Variants in KCMF1 observed in about 807,000 individuals in gnomAD.
The protein encoded by KCMF1 is potassium channel modulatory factor 1.
Under a neutral mutation model 41.1 loss-of-function variants are expected in KCMF1, and 3 were observed. The observed-to-expected ratio is 0.07, with a 90% confidence interval of 0.03 to 0.19. The LOEUF (loss-of-function observed/expected upper bound fraction) is 0.19, where lower values mean the gene tolerates loss of function less well. KCMF1 is among the 10% of genes least tolerant of loss of function. The pLI is 1.00. For synonymous variants in KCMF1, 142 were observed against 164.5 expected (o/e 0.86, Z 1.04); for missense variants, 286 against 488.9 (o/e 0.58, Z 3.91).
At chr2:85,022,771 C>G (rs1344213760) in intron 1 of KCMF1, among the ~76,000 whole-genome samples, 1 of 152,154 alleles carries the variant, frequency 6.6e-6, no homozygotes, top group Non-Finnish European at 1.5e-5. Flanking sequence ...ACCTTAAACC[C>G]CAGAGGGAGC....
chr2:85,051,552 G>A (rs945375839), intron 6 of KCMF1, among the ~76,000 whole-genome samples: 1 of 151,934 alleles, frequency 6.6e-6, no homozygotes, highest in Non-Finnish European at 1.5e-5. Flanking sequence ...GTGGATTCTG[G>A]TTGTAGCTTC....
intron 1 of KCMF1, among the ~76,000 whole-genome samples, chr2:85,023,355 C>CTG (rs1193804021): frequency 7.2e-5 from 8 of 111,086 alleles, no homozygotes; most frequent in Non-Finnish European, 1.0e-4. Context: ...CTCGCACTTT[C>CTG]TCGCCCAGGC....
intron 1 of KCMF1, among the ~76,000 whole-genome samples, chr2:85,019,745 T>C (rs574072781): frequency 1.3e-5 from 2 of 151,000 alleles, no homozygotes; most frequent in South Asian, 4.2e-4. Flanking sequence ...TGTATATATA[T>C]GTATATATGT....
At chr2:85,050,589 C>T (rs182295754) in intron 6 of KCMF1, among the ~76,000 whole-genome samples, 10 of 152,260 alleles carry the variant, frequency 6.6e-5, no homozygotes, top group Admixed American at 2.0e-4. Context: ...ATAAAGAATT[C>T]TTAAAAGAGC....
chr2:84,984,593 G>T (rs1202425626), intron 1 of KCMF1, among the ~76,000 whole-genome samples: 2 of 152,050 alleles, frequency 1.3e-5, no homozygotes, highest in East Asian at 1.9e-4. Flanking sequence ...GGCTGAGGTG[G>T]GTGGCTCATC....
intron 1 of KCMF1, among the ~76,000 whole-genome samples, chr2:84,983,569 G>A (rs951202088): frequency 2.6e-5 from 4 of 152,118 alleles, no homozygotes; most frequent in Non-Finnish European, 4.4e-5. Flanking sequence ...GTAAAATGGC[G>A]TGATCTCAGC....
chr2:85,048,001 C>T (rs934862548), intron 5 of KCMF1, among the ~76,000 whole-genome samples: 3 of 152,106 alleles, frequency 2.0e-5, no homozygotes, highest in African/African-American at 7.2e-5. Context: ...CTGTTGGGTA[C>T]TGGGCTTAAT....
At chr2:85,050,595 A>C (rs1410057179) in intron 6 of KCMF1, among the ~76,000 whole-genome samples, 1 of 152,234 alleles carries the variant, frequency 6.6e-6, no homozygotes, top group East Asian at 1.9e-4. Context: ...AATTCTTAAA[A>C]GAGCAATGAT....
At chr2:85,032,203 C>T (rs1330741905) in intron 2 of KCMF1, among the ~76,000 whole-genome samples, 3 of 151,532 alleles carry the variant, frequency 2.0e-5, no homozygotes, top group Admixed American at 6.6e-5. Flanking sequence ...ATGGAGTCTC[C>T]GTCTGTTGCC....
At chr2:85,041,144 C>T (rs527822198) in intron 3 of KCMF1, among the ~76,000 whole-genome samples, 4 of 152,160 alleles carry the variant, frequency 2.6e-5, no homozygotes, top group East Asian at 1.9e-4. Context: ...ATTCTTTATC[C>T]CTAGTAGTTA....
intron 1 of KCMF1, among the ~76,000 whole-genome samples, chr2:84,978,501 GT>G (rs370147575): frequency 0.034 from 4,745 of 140,966 alleles, 238 homozygotes; most frequent in African/African-American, 0.11. Flanking sequence ...TGGTTTTTGG[GT>G]TTTTTTTTTT....
intron 3 of KCMF1, among the ~76,000 whole-genome samples, chr2:85,037,098 A>G (rs1037579607): frequency 6.6e-6 from 1 of 150,930 alleles, no homozygotes; most frequent in Non-Finnish European, 1.5e-5. Flanking sequence ...TACAAATGCT[A>G]TCATGGTCTG....
chr2:84,978,788 T>C (rs943605414), intron 1 of KCMF1, among the ~76,000 whole-genome samples: 1 of 152,074 alleles, frequency 6.6e-6, no homozygotes, highest in African/African-American at 2.4e-5. Context: ...CGATCTCAGC[T>C]CACCACAACC....
rs1675937091 is a variant in KCMF1 at position 85,056,598 on chromosome 2, A to T, written c.*3189A>T. The T allele has an allele frequency of 6.6e-6, 1 of 152,242 alleles. No individual in the cohort carries two copies. Among genetic ancestry groups the T allele is most frequent in the African/African-American group, 2.4e-5 (1 of 41,458 alleles). 9.4% of individuals were successfully genotyped at this position (152,242 alleles called of 1,614,324 possible). ...GTGGGTTGGGGGGTAGAAGGAGAAT[A>T]CTAGAGAGGTTACGGTAGCAGGTGG... On this transcript the variant is annotated 3_prime_UTR_variant, in exon 7 of 7. Coordinates refer to ENST00000409785, the MANE Select transcript of KCMF1 (RefSeq NM_020122.5).
intron 1 of KCMF1, among the ~76,000 whole-genome samples, chr2:84,974,030 G>A (rs1485287395): frequency 3.3e-5 from 5 of 151,884 alleles, no homozygotes; most frequent in South Asian, 2.1e-4. Flanking sequence ...GTTTCATCAT[G>A]TTGGTCAGGC....
At chr2:84,994,268 A>G (rs1157345782) in intron 1 of KCMF1, among the ~76,000 whole-genome samples, 1 of 151,182 alleles carries the variant, frequency 6.6e-6, no homozygotes, top group East Asian at 2.0e-4. Flanking sequence ...ATTTTAAAGC[A>G]AATTTCAGAC....
chr2:85,018,306 C>T (rs1053384091), intron 1 of KCMF1, among the ~76,000 whole-genome samples: 1 of 141,590 alleles, frequency 7.1e-6, no homozygotes, highest in Admixed American at 7.5e-5. Flanking sequence ...GAGTCCCGCT[C>T]TGTCACCAGA....
At chr2:85,003,316 A>T (rs1674378516) in intron 1 of KCMF1, among the ~76,000 whole-genome samples, 1 of 152,090 alleles carries the variant, frequency 6.6e-6, no homozygotes, top group African/African-American at 2.4e-5. Flanking sequence ...TACTAAAAAA[A>T]AGAAAAAAAA....
chr2:85,048,484 G>A (rs975152365), intron 5 of KCMF1, among the ~76,000 whole-genome samples: 2 of 152,176 alleles, frequency 1.3e-5, no homozygotes, highest in African/African-American at 4.8e-5. Flanking sequence ...AAGCAACAGT[G>A]AGCAAGAAAA....
Sources: gnomAD v4.1 joint callset for allele counts (sites outside exome capture counted in the v4.1 genomes callset) on GRCh38, gnomAD v4.1.1 for gene constraint, MANE v1.5 for transcripts, NCBI Gene and HGNC (gene_info 2026-07-23, HGNC 2026-07-21) for gene names.